Variants in FGF14 observed in about 807,000 individuals in gnomAD.
FGF14 encodes the protein fibroblast growth factor 14.
Under a neutral mutation model 25.5 loss-of-function variants are expected in FGF14, and 5 were observed. That is an observed-to-expected ratio of 0.20 (90% confidence interval 0.10 to 0.41). The LOEUF (loss-of-function observed/expected upper bound fraction) is 0.41. Ranked by LOEUF, FGF14 falls within the 10% of genes least tolerant of loss-of-function variation. The probability of loss-of-function intolerance (pLI) is 1.00; values close to 1 mark genes in which losing one functional copy is unlikely to be tolerated. For synonymous variants in FGF14, 138 were observed against 118.3 expected (o/e 1.17, Z -1.08); for missense variants, 222 against 320.1 (o/e 0.69, Z 2.34).
intron 1 of FGF14, among the ~76,000 whole-genome samples, chr13:101,973,002 C>T (rs1053690560): frequency 6.6e-6 from 1 of 151,996 alleles, no homozygotes; most frequent in Non-Finnish European, 1.5e-5. Context: ...TTGACTTGCT[C>T]GGTGGATTGG....
At chr13:101,724,845 A>G (rs1236600557) in intron 4 of FGF14, among the ~76,000 whole-genome samples, 1 of 151,480 alleles carries the variant, frequency 6.6e-6, no homozygotes, top group African/African-American at 2.4e-5. Context: ...TGAAAACATA[A>G]AAAGTATTAT....
chr13:102,039,631 A>G (rs1405083386), intron 1 of FGF14, among the ~76,000 whole-genome samples: 1 of 152,170 alleles, frequency 6.6e-6, no homozygotes, highest in Non-Finnish European at 1.5e-5. Flanking sequence ...TTATAAAGAT[A>G]ACAGTCATAT....
At chr13:102,266,415 C>T (rs1444056655) in intron 1 of FGF14, among the ~76,000 whole-genome samples, 1 of 152,010 alleles carries the variant, frequency 6.6e-6, no homozygotes, top group Non-Finnish European at 1.5e-5. Context: ...AAATAAAAAC[C>T]TGTAATTTAA....
At chr13:102,255,881 G>C (rs2052413051) in intron 1 of FGF14, among the ~76,000 whole-genome samples, 2 of 152,266 alleles carry the variant, frequency 1.3e-5, no homozygotes, top group Non-Finnish European at 1.5e-5. Context: ...TGTAACCTTG[G>C]TACTTCAATG....
intron 3 of FGF14, among the ~76,000 whole-genome samples, chr13:101,802,682 A>G (rs996853786): frequency 2.0e-5 from 3 of 152,176 alleles, no homozygotes; most frequent in Non-Finnish European, 4.4e-5. Context: ...ATTTCCAAAC[A>G]TTTTTAAAAA....
At chr13:101,750,208 TGTCTATG>T (rs2037181414) in intron 3 of FGF14, among the ~76,000 whole-genome samples, 1 of 152,112 alleles carries the variant, frequency 6.6e-6, no homozygotes, top group African/African-American at 2.4e-5. Context: ...AATAAGATCA[TGTCTATG>T]GTCAGAGCAC....
chr13:102,000,369 G>C (rs963739845), intron 1 of FGF14, among the ~76,000 whole-genome samples: 1 of 152,184 alleles, frequency 6.6e-6, no homozygotes, highest in African/African-American at 2.4e-5. Flanking sequence ...CACAGCATGT[G>C]AAAATGCTTA....
chr13:101,916,306 C>T (rs568069012), intron 1 of FGF14, 147 bp downstream of exon 1: 2 of 974,794 alleles, frequency 2.1e-6, no homozygotes, highest in Admixed American at 2.0e-5. Flanking sequence ...CTCCAGGGTC[C>T]CCGCGACGGC....
chr13:102,391,088 G>A (rs2139230631), intron 1 of FGF14, among the ~76,000 whole-genome samples: 1 of 152,300 alleles, frequency 6.6e-6, no homozygotes, highest in South Asian at 2.1e-4. Context: ...GAATGTAAAA[G>A]AGGTAAATCC....
intron 1 of FGF14, among the ~76,000 whole-genome samples, chr13:102,312,591 T>C (rs1208453862): frequency 6.6e-6 from 1 of 152,218 alleles, no homozygotes; most frequent in Non-Finnish European, 1.5e-5. Context: ...ATTATACCAC[T>C]GCACTATTAA....
At chr13:101,817,488 G>A (rs1255652715) in intron 3 of FGF14, among the ~76,000 whole-genome samples, 1 of 152,084 alleles carries the variant, frequency 6.6e-6, no homozygotes, top group East Asian at 1.9e-4. Context: ...CAGTCAAATT[G>A]CATTTTTTCC....
chr13:101,933,622 G>A (rs2034908025), intron 1 of FGF14, among the ~76,000 whole-genome samples: 1 of 152,170 alleles, frequency 6.6e-6, no homozygotes, highest in Non-Finnish European at 1.5e-5. Context: ...TACTCGGGAG[G>A]CTGAGGCGGC....
intron 1 of FGF14, among the ~76,000 whole-genome samples, chr13:102,299,588 C>G (rs936968661): frequency 2.6e-5 from 4 of 152,094 alleles, no homozygotes; most frequent in African/African-American, 4.8e-5. Context: ...CTACCTGCAC[C>G]TTTCCCGATT....
At chr13:102,052,886 A>G (rs912968210) in intron 1 of FGF14, among the ~76,000 whole-genome samples, 1 of 152,140 alleles carries the variant, frequency 6.6e-6, no homozygotes, top group Non-Finnish European at 1.5e-5. Flanking sequence ...GAGTACTCTA[A>G]TACTGTAATA....
At chr13:102,316,972 C>A (rs2056054981) in intron 1 of FGF14, among the ~76,000 whole-genome samples, 1 of 152,106 alleles carries the variant, frequency 6.6e-6, no homozygotes, top group Admixed American at 6.6e-5. Context: ...CATGATACTT[C>A]TTTTGATTGT....
intron 1 of FGF14, among the ~76,000 whole-genome samples, chr13:102,030,676 T>C (rs1187284730): frequency 6.6e-6 from 1 of 152,034 alleles, no homozygotes; most frequent in East Asian, 1.9e-4. Context: ...GGTTGATCCC[T>C]ATCTCATCAA....
At chr13:102,101,627 C>T (rs1415380841) in intron 1 of FGF14, among the ~76,000 whole-genome samples, 2 of 152,142 alleles carry the variant, frequency 1.3e-5, no homozygotes, top group Admixed American at 6.5e-5. Flanking sequence ...AGTCTAAAAA[C>T]TTGTAGAGAA....
intron 1 of FGF14, among the ~76,000 whole-genome samples, chr13:102,007,920 G>A (rs2039890690): frequency 6.6e-6 from 1 of 152,292 alleles, no homozygotes; most frequent in Non-Finnish European, 1.5e-5. Context: ...CAGGGAATGG[G>A]TGTATAATAC....
At chr13:102,369,518 G>A (rs971380365) in intron 1 of FGF14, among the ~76,000 whole-genome samples, 2 of 152,146 alleles carry the variant, frequency 1.3e-5, no homozygotes, top group African/African-American at 4.8e-5. Context: ...TGGTGACACA[G>A]GATCTGGCTG....
Sources: allele counts gnomAD v4.1 joint callset (sites outside exome capture counted in the v4.1 genomes callset), GRCh38; gene constraint gnomAD v4.1.1; transcripts MANE v1.5; gene names NCBI Gene and HGNC (gene_info 2026-07-23, HGNC 2026-07-21).